The following KREMEN1 variants were observed in gnomAD, a reference collection of about 807,000 sequenced individuals.
KREMEN1 encodes the protein kringle containing transmembrane protein 1.
KREMEN1 carries 30 observed loss-of-function variants against 46.5 expected under a neutral mutation model. That is an observed-to-expected ratio of 0.65 (90% confidence interval 0.48 to 0.88). The LOEUF is 0.88. Ranked by LOEUF, KREMEN1 falls within the 40% of genes least tolerant of loss-of-function variation. KREMEN1 has a pLI of 0.00. For synonymous variants in KREMEN1, 214 were observed against 230.6 expected, an observed-to-expected ratio of 0.93 and a Z score of 0.65; for missense variants, 533 against 596.9, an observed-to-expected ratio of 0.89 and a Z score of 1.11.
intron 1 of KREMEN1, among the ~76,000 whole-genome samples, chr22:29,078,459 C>A (rs1451922971): frequency 1.1e-4 from 16 of 148,612 alleles, no homozygotes; most frequent in African/African-American, 4.0e-4. Context: ...GTGGCACCAG[C>A]CCTGACACAG....
intron 5 of KREMEN1, among the ~76,000 whole-genome samples, chr22:29,131,908 T>C (rs530583510): frequency 2.2e-4 from 32 of 142,490 alleles, no homozygotes; most frequent in African/African-American, 7.7e-4. Context: ...GTTTCACTCT[T>C]GTTGCCCAGT....
intron 6 of KREMEN1, 32 bp downstream of exon 6, chr22:29,137,706 C>T (rs1172222076): frequency 2.6e-6 from 4 of 1,530,656 alleles, no homozygotes; most frequent in Non-Finnish European, 3.6e-6. Context: ...GGGGGTTCTT[C>T]AGGGCCCACG....
chr22:29,140,215 C>G, intron 7 of KREMEN1, 67 bp from the exon 8 acceptor site: 2 of 1,277,824 alleles, frequency 1.6e-6, no homozygotes, highest in Non-Finnish European at 2.3e-6. Flanking sequence ...CTTGGGTATT[C>G]CAGCCGACCT....
intron 9 of KREMEN1, among the ~76,000 whole-genome samples, chr22:29,157,368 G>A (rs574955045): frequency 6.2e-4 from 95 of 152,258 alleles, no homozygotes; most frequent in African/African-American, 2.1e-3. Flanking sequence ...ATGGAGTCTC[G>A]CTCTTGTTGC....
At chr22:29,157,270 C>T (rs114815195) in intron 9 of KREMEN1, among the ~76,000 whole-genome samples, 3,528 of 152,266 alleles carry the variant, frequency 0.023, 140 homozygotes, top group African/African-American at 0.081. Flanking sequence ...TGGGGGATTG[C>T]CTTCTTTCCA....
At chr22:29,100,772 T>C (rs185362977) in intron 3 of KREMEN1, among the ~76,000 whole-genome samples, 3 of 152,316 alleles carry the variant, frequency 2.0e-5, no homozygotes, top group Non-Finnish European at 4.4e-5. Flanking sequence ...AGATGACAGC[T>C]CCATGTGGGT....
At chr22:29,153,608 C>A (rs1235214907) in intron 9 of KREMEN1, among the ~76,000 whole-genome samples, 1 of 152,128 alleles carries the variant, frequency 6.6e-6, no homozygotes, top group Non-Finnish European at 1.5e-5. Flanking sequence ...ATCCTCTCGT[C>A]TTGGCCTCCC....
intron 4 of KREMEN1, among the ~76,000 whole-genome samples, chr22:29,124,860 G>A (rs887544132): frequency 6.6e-5 from 10 of 152,154 alleles, no homozygotes; most frequent in African/African-American, 2.2e-4. Context: ...ATATAGCAAT[G>A]TAAAAACAAA....
At chr22:29,086,050 A>G (rs1412312244) in intron 1 of KREMEN1, among the ~76,000 whole-genome samples, 1 of 148,400 alleles carries the variant, frequency 6.7e-6, no homozygotes, top group East Asian at 2.0e-4. Flanking sequence ...TAACCATATA[A>G]TTCTTACTTC....
chr22:29,149,062 A>G (rs1430754776), downstream of KREMEN1, among the ~76,000 whole-genome samples: 2 of 151,970 alleles, frequency 1.3e-5, no homozygotes, highest in Non-Finnish European at 2.9e-5. Flanking sequence ...TTGCCTCGAC[A>G]TGGAGTCCGT....
chr22:29,137,542 C>T lies in KREMEN1; in HGVS notation c.832C>T (p.His278Tyr). The T allele has an allele frequency of 6.2e-7, 1 of 1,613,710 alleles. No homozygotes were observed. Among genetic ancestry groups the T allele is most frequent in the South Asian group, 1.1e-5 (1 of 91,070 alleles). ...GGTGGAGCTTCTGGATGGCTACACCCACCGTGTCCTAGCCCGCTTCCACGG... is the reference window on the plus strand; with the variant it reads ...GGTGGAGCTTCTGGATGGCTACACCTACCGTGTCCTAGCCCGCTTCCACGG... Reference protein sequence around the residue: ...DMVELLDGYTHRVLARFHGRS... With the variant: ...DMVELLDGYTYRVLARFHGRS... Residue 278 changes from histidine to tyrosine, a missense_variant, in exon 6 of 9, where the codon CAC (histidine) becomes TAC (tyrosine). Coordinates refer to ENST00000400335, the MANE Select transcript of KREMEN1 (RefSeq NM_001039570.3).
At chr22:29,134,860 TCCCAC>T (rs1443003090) in intron 5 of KREMEN1, among the ~76,000 whole-genome samples, 3 of 152,044 alleles carry the variant, frequency 2.0e-5, no homozygotes, top group Non-Finnish European at 2.9e-5. Context: ...TTTGAGGAGT[TCCCAC>T]ATGCCTGTGC....
At chr22:29,167,189 C>A in exon 10 of KREMEN1, 1 of 1,129,928 alleles carries the variant, frequency 8.9e-7, no homozygotes, top group Non-Finnish European at 1.3e-6. Flanking sequence ...CCTCTCCTCG[C>A]ACAGAAATGG....
chr22:29,166,896 G>C, intron 9 of KREMEN1: 1 of 637,776 alleles, frequency 1.6e-6, no homozygotes, highest in Non-Finnish European at 2.9e-6. Flanking sequence ...TCAGACCACC[G>C]CACTCCAGGC....
At chr22:29,098,272 T>C (rs2037915002) in intron 2 of KREMEN1, among the ~76,000 whole-genome samples, 1 of 152,214 alleles carries the variant, frequency 6.6e-6, no homozygotes, top group Non-Finnish European at 1.5e-5. Context: ...CTTCTATGGA[T>C]ATACAATTTA....
intron 5 of KREMEN1, chr22:29,134,198 C>G (rs1328171306): frequency 6.6e-6 from 1 of 151,762 alleles, no homozygotes; most frequent in Non-Finnish European, 1.5e-5. Flanking sequence ...CACTCTGCCA[C>G]CTAGGCTGGA....
intron 1 of KREMEN1, among the ~76,000 whole-genome samples, chr22:29,092,304 T>C (rs1601759926): frequency 6.6e-6 from 1 of 152,166 alleles, no homozygotes; most frequent in African/African-American, 2.4e-5. Context: ...AGAGGCAGTA[T>C]AGGGTGTGGT....
chr22:29,119,044 T>A (rs1195104435), intron 3 of KREMEN1, among the ~76,000 whole-genome samples: 1 of 152,114 alleles, frequency 6.6e-6, no homozygotes, highest in East Asian at 1.9e-4. Context: ...ACTTACCAGT[T>A]TATTATAAAG....
At chr22:29,099,237 G>A in intron 3 of KREMEN1, 1 of 302,470 alleles carries the variant, frequency 3.3e-6, no homozygotes, top group Non-Finnish European at 6.2e-6. Flanking sequence ...GGTATAGAGA[G>A]GGCAACCGCT....
Sources: gnomAD v4.1 joint callset for allele counts (sites outside exome capture counted in the v4.1 genomes callset) on GRCh38, gnomAD v4.1.1 for gene constraint, MANE v1.5 for transcripts, NCBI Gene and HGNC (gene_info 2026-07-23, HGNC 2026-07-21) for gene names.